Variants in RIN2 observed in about 807,000 individuals in gnomAD.
RIN2 encodes RAB5 interacting protein 2.
In RIN2, 36 loss-of-function variants were observed where a neutral mutation model predicts 78.0. That is an observed-to-expected ratio of 0.46 (90% CI 0.35 to 0.61). RIN2 has a LOEUF of 0.61. Ranked by LOEUF, RIN2 falls within the 20% of genes least tolerant of loss-of-function variation. The pLI, the probability that RIN2 is intolerant of heterozygous loss-of-function variation, is 0.00. For synonymous variants in RIN2, 466 were observed against 466.8 expected, an observed-to-expected ratio of 1.00 and a Z score of 0.02; for missense variants, 1,087 against 1,159.7, an observed-to-expected ratio of 0.94 and a Z score of 0.91.
At chr20:19,848,154 C>A (rs549789778) in intron 2 of RIN2, among the ~76,000 whole-genome samples, 1 of 152,216 alleles carries the variant, frequency 6.6e-6, no homozygotes, top group Non-Finnish European at 1.5e-5. Context: ...AAGTGGTGTA[C>A]TTTTTGAAAA....
intron 3 of RIN2, among the ~76,000 whole-genome samples, chr20:19,911,442 T>C (rs1219300753): frequency 3.3e-5 from 5 of 152,224 alleles, no homozygotes; most frequent in South Asian, 2.1e-4. Flanking sequence ...TGAAAATACA[T>C]TGGAGACACA....
At position 19,963,332 on chromosome 20, in the gene RIN2, C is replaced by T. The variant is rs1468167993; in HGVS notation, c.464-1620C>T. Among the ~76,000 whole-genome samples the T allele has an allele frequency of 2.0e-5, 3 of 152,028 alleles. 1 individual carries two copies. Among genetic ancestry groups the T allele is most frequent in the Non-Finnish European group, 2.9e-5 (2 of 67,982 alleles). On this transcript the variant is annotated intron_variant, in intron 6 of 12. Transcript: ENST00000255006. ...AAAATAATACAAAAAAGCGAAGAAG[C>T]AGCCGGCGCAGTGGCTCACACCTGT...
chr20:19,989,942 A>C (rs1020753342), intron 9 of RIN2, 64 bp from the exon 10 acceptor site: 8 of 1,433,498 alleles, frequency 5.6e-6, no homozygotes, highest in Admixed American at 2.8e-5. Context: ...CATTGTAAGA[A>C]AGCAGATGTT....
chr20:19,869,991 A>G (rs1276024299), intron 2 of RIN2, among the ~76,000 whole-genome samples: 1 of 152,016 alleles, frequency 6.6e-6, no homozygotes, highest in Non-Finnish European at 1.5e-5. Flanking sequence ...CCGTGGCAAG[A>G]ATAGTTCTGA....
chr20:19,974,758 C>T lies in RIN2; in HGVS notation c.733C>T (p.Leu245Phe), dbSNP rs780718694. 6.2e-7 allele frequency: 1 copy of T among 1,614,038 alleles called. No individual in the cohort carries two copies. The highest frequency in any genetic ancestry group is 8.5e-7 in the Non-Finnish European group (1 of 1,179,902). ...VCPASLRQLCLINGVHSIKTR... is the reference protein window; with the variant it reads ...VCPASLRQLCFINGVHSIKTR... ...TCCTGCCTCCCTGCGTCAGCTCTGC[C>T]TTATAAATGGAGTGCATTCTATCAA... is the stretch of plus-strand genomic sequence containing the variant. Residue 245 changes from leucine (L) to phenylalanine (F), a missense_variant, in exon 9 of 13, where the codon CTT becomes TTT. Physicochemically the swap from Leu to Phe is conservative, Grantham distance 22. Coordinates refer to ENST00000255006, the MANE Select transcript of RIN2 (RefSeq NM_018993.4).
At chr20:19,827,191 G>T (rs1275753657) in intron 2 of RIN2, among the ~76,000 whole-genome samples, 2 of 152,188 alleles carry the variant, frequency 1.3e-5, no homozygotes, top group African/African-American at 2.4e-5. Flanking sequence ...GGCCAGACTG[G>T]TCTCCAACTC....
At chr20:19,814,231 G>A (rs2035691536) in intron 2 of RIN2, among the ~76,000 whole-genome samples, 1 of 152,180 alleles carries the variant, frequency 6.6e-6, no homozygotes, top group African/African-American at 2.4e-5. Flanking sequence ...GAGACTATCA[G>A]GCTTGGAAAA....
chr20:19,985,943 A>T (rs943729138), intron 9 of RIN2, among the ~76,000 whole-genome samples: 1 of 152,212 alleles, frequency 6.6e-6, no homozygotes, highest in Admixed American at 6.5e-5. Flanking sequence ...AAATGAAAAC[A>T]TAGTAGGCCT....
chr20:19,908,131 T>A (rs540168747), intron 3 of RIN2, among the ~76,000 whole-genome samples: 114 of 152,246 alleles, frequency 7.5e-4, no homozygotes, highest in African/African-American at 2.7e-3. Context: ...TGCAGGGCGA[T>A]CACTTCCAAA....
chr20:19,810,033 C>T (rs953144148), intron 2 of RIN2, among the ~76,000 whole-genome samples: 9 of 151,958 alleles, frequency 5.9e-5, no homozygotes, highest in African/African-American at 4.8e-5. Flanking sequence ...ACTGCAAGGC[C>T]AAGTTGCAGC....
At chr20:19,868,968 G>C (rs953984541) in intron 2 of RIN2, among the ~76,000 whole-genome samples, 5 of 151,502 alleles carry the variant, frequency 3.3e-5, no homozygotes, top group Middle Eastern at 3.2e-3. Context: ...TCTAATTCCA[G>C]CTACTCGGGA....
chr20:19,844,677 T>C (rs1213762059), intron 2 of RIN2, among the ~76,000 whole-genome samples: 41 of 69,430 alleles, frequency 5.9e-4, no homozygotes, highest in African/African-American at 2.0e-3. Flanking sequence ...TTCCTTCTTC[T>C]TCTTCTTCCT....
At chr20:19,842,213 TTTTGTTTGTTTGTTTG>T (rs4052743) in intron 2 of RIN2, among the ~76,000 whole-genome samples, 2 of 149,600 alleles carry the variant, frequency 1.3e-5, no homozygotes, top group Admixed American at 6.7e-5. Context: ...TCTTTGTTTT[TTTTGTTTGTTTGTTTG>T]TTTGTTTGTT....
At chr20:19,989,879 G>A in intron 9 of RIN2, 127 bp from the exon 10 acceptor site, 1 of 902,504 alleles carries the variant, frequency 1.1e-6, no homozygotes, top group South Asian at 2.0e-5. Context: ...TTGGTTGGAT[G>A]TTAAGGTGTA....
chr20:19,866,449 C>A (rs964551904), intron 2 of RIN2, among the ~76,000 whole-genome samples: 10 of 152,090 alleles, frequency 6.6e-5, no homozygotes, highest in African/African-American at 2.4e-4. Flanking sequence ...GACAGGACTC[C>A]ACAGGGCTGG....
At chr20:19,989,513 T>C (rs966900473) in intron 9 of RIN2, among the ~76,000 whole-genome samples, 1 of 152,118 alleles carries the variant, frequency 6.6e-6, no homozygotes, top group African/African-American at 2.4e-5. Context: ...TGACCTCAAA[T>C]GATCTGCCTG....
At chr20:19,824,250 G>A (rs1228240710) in intron 2 of RIN2, among the ~76,000 whole-genome samples, 4 of 152,158 alleles carry the variant, frequency 2.6e-5, no homozygotes, top group African/African-American at 9.7e-5. Context: ...CCTTATCAGC[G>A]GGAGGCCCCT....
chr20:19,922,574 C>T (rs766679103), intron 3 of RIN2, among the ~76,000 whole-genome samples: 2 of 152,176 alleles, frequency 1.3e-5, no homozygotes, highest in Non-Finnish European at 2.9e-5. Context: ...TCATCAATGC[C>T]TTGAGGTCCC....
intron 4 of RIN2, among the ~76,000 whole-genome samples, chr20:19,950,328 C>T (rs2146206090): frequency 6.6e-6 from 1 of 152,178 alleles, no homozygotes; most frequent in Middle Eastern, 3.4e-3. Context: ...TGATAGCAGC[C>T]CTAGACACCT....
Sources: allele counts gnomAD v4.1 joint callset (sites outside exome capture counted in the v4.1 genomes callset), GRCh38; gene constraint gnomAD v4.1.1; transcripts MANE v1.5; gene names NCBI Gene and HGNC (gene_info 2026-07-23, HGNC 2026-07-21).